GPC5: variants seen among roughly 807,000 people sequenced by gnomAD.
GPC5 encodes the protein glypican 5, also known as glypican-5.
In GPC5, 47 loss-of-function variants were observed where a neutral mutation model predicts 53.9. The ratio of observed to expected loss-of-function variants is 0.87; its 90% CI spans 0.69 to 1.11. The LOEUF is 1.11. Among genes scored for constraint, GPC5 ranks in the 50% most tolerant of loss-of-function variants. The pLI is 0.00. For missense variants in GPC5, 748 were observed against 713.1 expected, an observed-to-expected ratio of 1.05 and a Z score of -0.56; for synonymous variants, 286 against 263.3, an observed-to-expected ratio of 1.09 and a Z score of -0.84.
At chr13:91,729,006 G>T (rs967515140) in intron 4 of GPC5, among the ~76,000 whole-genome samples, 13 of 152,150 alleles carry the variant, frequency 8.5e-5, no homozygotes, top group Admixed American at 8.5e-4. Flanking sequence ...GTGGCTAGTG[G>T]CTACTGACTG....
intron 5 of GPC5, among the ~76,000 whole-genome samples, chr13:91,883,813 G>A (rs1340918186): frequency 6.6e-6 from 1 of 152,016 alleles, no homozygotes; most frequent in Non-Finnish European, 1.5e-5. Context: ...TAAGTTCAGT[G>A]GTACGTGTGC....
intron 7 of GPC5, among the ~76,000 whole-genome samples, chr13:92,486,714 C>A (rs892790521): frequency 6.6e-6 from 1 of 151,798 alleles, no homozygotes; most frequent in Non-Finnish European, 1.5e-5. Flanking sequence ...CTCTACTGTC[C>A]AAAAAAATAG....
intron 7 of GPC5, among the ~76,000 whole-genome samples, chr13:92,332,464 T>C (rs943914128): frequency 2.4e-4 from 37 of 152,306 alleles, no homozygotes; most frequent in African/African-American, 8.7e-4. Context: ...TTAATACTAA[T>C]ATAGCCTATG....
At chr13:92,080,167 A>G (rs1243755568) in intron 6 of GPC5, among the ~76,000 whole-genome samples, 1 of 152,162 alleles carries the variant, frequency 6.6e-6, no homozygotes, top group African/African-American at 2.4e-5. Flanking sequence ...CCTGCTTCTC[A>G]GACAGATATT....
intron 7 of GPC5, among the ~76,000 whole-genome samples, chr13:92,220,806 G>A (rs534075935): frequency 1.6e-4 from 24 of 152,072 alleles, no homozygotes; most frequent in Admixed American, 4.6e-4. Flanking sequence ...TTCATGTCTG[G>A]TAATACATTT....
intron 7 of GPC5, among the ~76,000 whole-genome samples, chr13:92,819,207 CA>C (rs1020158456): frequency 6.6e-5 from 10 of 151,912 alleles, no homozygotes; most frequent in African/African-American, 2.4e-4. Flanking sequence ...TATAGCATAG[CA>C]AAAATTTTTA....
At chr13:91,835,119 A>G (rs1460749554) in intron 5 of GPC5, among the ~76,000 whole-genome samples, 1 of 152,142 alleles carries the variant, frequency 6.6e-6, no homozygotes, top group East Asian at 1.9e-4. Context: ...CATTTATGTC[A>G]CCAAGAAACA....
intron 2 of GPC5, among the ~76,000 whole-genome samples, chr13:91,623,608 G>A (rs2033923347): frequency 6.6e-6 from 1 of 152,108 alleles, no homozygotes; most frequent in African/African-American, 2.4e-5. Context: ...TGCATAACAG[G>A]CAGTCTCTAA....
At chr13:92,083,328 A>C (rs1389126931) in intron 6 of GPC5, among the ~76,000 whole-genome samples, 2 of 152,148 alleles carry the variant, frequency 1.3e-5, no homozygotes, top group Non-Finnish European at 2.9e-5. Flanking sequence ...AGGAAATCAG[A>C]ACCAAAAAGG....
At chr13:92,156,724 C>T (rs1012497259) in intron 7 of GPC5, among the ~76,000 whole-genome samples, 5 of 152,180 alleles carry the variant, frequency 3.3e-5, no homozygotes, top group African/African-American at 4.8e-5. Context: ...TGCTATCTTA[C>T]GTGAATTTCC....
At chr13:92,792,031 C>T (rs1024897083) in intron 7 of GPC5, among the ~76,000 whole-genome samples, 1 of 151,934 alleles carries the variant, frequency 6.6e-6, no homozygotes, top group African/African-American at 2.4e-5. Context: ...CCTGGAAGGG[C>T]TAGTGATAAG....
At chr13:91,869,053 T>G (rs572183036) in intron 5 of GPC5, among the ~76,000 whole-genome samples, 1 of 152,146 alleles carries the variant, frequency 6.6e-6, no homozygotes, top group Non-Finnish European at 1.5e-5. Flanking sequence ...GTTTGTTTTG[T>G]TTTGTTTTTA....
intron 7 of GPC5, among the ~76,000 whole-genome samples, chr13:92,207,776 T>G (rs1489248994): frequency 6.6e-6 from 1 of 152,228 alleles, no homozygotes; most frequent in East Asian, 1.9e-4. Flanking sequence ...GTAAAATTTC[T>G]TGGTCTGAGA....
chr13:92,120,291 AG>A (rs1441763495), intron 6 of GPC5, among the ~76,000 whole-genome samples: 16 of 152,116 alleles, frequency 1.1e-4, no homozygotes, highest in African/African-American at 3.6e-4. Flanking sequence ...TTTTGAGATG[AG>A]GTCTCTGTCA....
rs1879343688 is a variant in GPC5 at position 92,866,573 on chromosome 13, A to T, written c.*134A>T. 1 of 688,490 alleles carries T rather than the reference A, an allele frequency of 1.5e-6. No individual in the cohort carries two copies. Among genetic ancestry groups the T allele is most frequent in the Admixed American group, 3.3e-5 (1 of 30,406 alleles). The allele number at this position is 688,490 out of a possible 1,614,324, so 42.6% of individuals were successfully genotyped here. Reference sequence around the variant, plus strand: ...AGATATGTTACACTAACTTCTCAGAAGCCAAGCTGAAATATTCATAAAGTC... The same window carrying T: ...AGATATGTTACACTAACTTCTCAGATGCCAAGCTGAAATATTCATAAAGTC... On this transcript the variant is annotated 3_prime_UTR_variant, in exon 8 of 8. Transcript: ENST00000377067.
intron 7 of GPC5, chr13:92,659,132 T>G (rs1264670190): frequency 6.6e-6 from 1 of 150,416 alleles, no homozygotes; most frequent in African/African-American, 2.4e-5. Context: ...GTTTCACCGT[T>G]TTAGCCGGGA....
intron 7 of GPC5, among the ~76,000 whole-genome samples, chr13:92,770,750 G>A (rs542110602): frequency 5.9e-5 from 9 of 152,198 alleles, no homozygotes; most frequent in African/African-American, 9.6e-5. Context: ...GCTGAAACCC[G>A]GACATTTGGG....
In GPC5 at chr13:92,714,167, G is replaced by A. The variant is rs909976142; in HGVS notation, c.1562-152115G>A. Reference sequence around the variant, plus strand: ...CAGCTACATTTGATAGGATGTCATGGAAGTCAACAAATATAGGAACTTCCT... The same window carrying A: ...CAGCTACATTTGATAGGATGTCATGAAAGTCAACAAATATAGGAACTTCCT... On this transcript the variant is annotated intron_variant, in intron 7 of 7. Transcript: ENST00000377067. Among the ~76,000 whole-genome samples, 3 of 152,272 alleles carry A rather than the reference G, an allele frequency of 2.0e-5. No homozygotes were observed. In the East Asian group the frequency reaches 5.8e-4, roughly 29 times the overall value.
intron 7 of GPC5, among the ~76,000 whole-genome samples, chr13:92,744,631 A>G (rs2139316487): frequency 6.6e-6 from 1 of 152,198 alleles, no homozygotes; most frequent in African/African-American, 2.4e-5. Flanking sequence ...CCATAAGGTG[A>G]TGTTTAGAAA....
Sources: allele counts gnomAD v4.1 joint callset (sites outside exome capture counted in the v4.1 genomes callset), GRCh38; gene constraint gnomAD v4.1.1; transcripts MANE v1.5; gene names NCBI Gene and HGNC (gene_info 2026-07-23, HGNC 2026-07-21).